SPRED2: variants seen among roughly 807,000 people sequenced by gnomAD.
SPRED2 encodes sprouty-related, EVH1 domain-containing protein 2.
SPRED2 carries 47 observed loss-of-function variants against 43.0 expected under a neutral mutation model. That is an observed-to-expected ratio of 1.09 (90% CI 0.87 to 1.40). SPRED2 has a LOEUF of 1.40. Ranked by LOEUF, SPRED2 falls within the 40% of genes most tolerant of loss-of-function variation. The probability of loss-of-function intolerance (pLI) is 0.00; values close to 1 mark genes in which losing one functional copy is unlikely to be tolerated. For synonymous variants in SPRED2, 225 were observed against 225.7 expected, an observed-to-expected ratio of 1.00 and a Z score of 0.03; for missense variants, 561 against 586.4, an observed-to-expected ratio of 0.96 and a Z score of 0.45.
Position 65,316,844 on chromosome 2 carries a change from C to T in SPRED2, c.478G>A (p.Glu160Lys), listed in dbSNP as rs201899929. Residue 160 changes from glutamate to lysine, a missense_variant, in exon 5 of 6, where the codon GAG (glutamate) becomes AAG (lysine). Coordinates refer to ENST00000356388, the MANE Select transcript of SPRED2 (RefSeq NM_181784.3). ...GAGGAGATTGTCCGAGTAGGTTGCT[C>T]TCTCTTCTGAGAGGAATTAGAAGAA... is the stretch of plus-strand genomic sequence containing the variant. ...DSSSNSSQKR[E>K]QPTRTISSPT... 290 of 1,613,820 alleles carry T rather than the reference C, an allele frequency of 1.8e-4. 2 individuals are homozygous for T. The highest frequency in any genetic ancestry group is 9.5e-5 in the Non-Finnish European group (112 of 1,179,994).
At chr2:65,392,824 TC>T (rs1675668821) in intron 1 of SPRED2, among the ~76,000 whole-genome samples, 1 of 152,142 alleles carries the variant, frequency 6.6e-6, no homozygotes, top group Non-Finnish European at 1.5e-5. Context: ...GTCCTCCCCC[TC>T]CTCCAAGCCC....
chr2:65,374,145 T>C (rs1447684914), intron 1 of SPRED2: 1 of 152,216 alleles, frequency 6.6e-6, no homozygotes, highest in African/African-American at 2.4e-5. Context: ...ACAAAAGAGA[T>C]TGTGCACAGG....
chr2:65,431,777 C>A (rs1676702101), intron 1 of SPRED2, among the ~76,000 whole-genome samples, 185 bp downstream of exon 1: 1 of 152,232 alleles, frequency 6.6e-6, no homozygotes, highest in Non-Finnish European at 1.5e-5. Flanking sequence ...CGCCAGCCCG[C>A]AGCAGTTTTT....
At position 65,344,735 on chromosome 2, in the gene SPRED2, C is replaced by A; in HGVS notation, c.188G>T (p.Arg63Leu). The change falls in exon 2 of 6, where the codon CGA (arginine) becomes CTA (leucine). Residue 63 changes from arginine (R) to leucine (L), a missense_variant. Arg to Leu is a moderately radical substitution (Grantham distance 102). Around this residue, in one of 6 missense-constraint regions of SPRED2, gnomAD observed 305 missense variants for 282.4 expected, o/e 1.08. Coordinates refer to ENST00000356388, the MANE Select transcript of SPRED2 (RefSeq NM_181784.3). ...TGCCATTACCAGTTTGTCTTTCTGT[C>A]GTTCACCATGGATGAGAAAGCCGCT... ...GRSGFLIHGE[R>L]QKDKLVVLEC... 6.2e-7 allele frequency: 1 copy of A among 1,614,122 alleles called. No individual in the cohort carries two copies. The highest frequency in any genetic ancestry group is 8.5e-7 in the Non-Finnish European group (1 of 1,179,962).
chr2:65,313,835 C>G lies in SPRED2; in HGVS notation c.923G>C (p.Arg308Pro), dbSNP rs760514097. 2.5e-6 allele frequency: 4 copies of G among 1,612,558 alleles called. No individual in the cohort carries two copies. Among genetic ancestry groups the G allele is most frequent in the African/African-American group, 1.3e-5 (1 of 75,058 alleles). Residue 308 changes from arginine to proline, a missense_variant, in exon 6 of 6, where the codon CGG becomes CCG. Arg to Pro is a moderately radical substitution (Grantham distance 103). Transcript: ENST00000356388. ...RRRKEDGERSRCVYCRDMFNH... is the reference protein window; with the variant it reads ...RRRKEDGERSPCVYCRDMFNH... ...GAACATGTCCCTGCAGTACACGCAC[C>G]GCGAGCGCTCTCCGTCCTCCTTCCG...
At chr2:65,309,453 C>A (rs1407621479), downstream of SPRED2, among the ~76,000 whole-genome samples, 2 of 145,794 alleles carry the variant, frequency 1.4e-5, no homozygotes, top group African/African-American at 5.1e-5. Flanking sequence ...CTACGGTGAG[C>A]CATGACTGTG....
chr2:65,412,043 G>C (rs578176802), intron 1 of SPRED2, among the ~76,000 whole-genome samples: 1 of 151,640 alleles, frequency 6.6e-6, no homozygotes, highest in Non-Finnish European at 1.5e-5. Flanking sequence ...CAGGAGAATG[G>C]CATGAACCCA....
chr2:65,378,465 C>T (rs570388051), intron 1 of SPRED2, among the ~76,000 whole-genome samples: 52 of 152,160 alleles, frequency 3.4e-4, no homozygotes, highest in Admixed American at 1.3e-3. Flanking sequence ...GTGTGTGGGG[C>T]GGAGGAGACA....
chr2:65,414,859 C>G (rs1328724544), intron 1 of SPRED2, among the ~76,000 whole-genome samples: 1 of 152,154 alleles, frequency 6.6e-6, no homozygotes, highest in East Asian at 1.9e-4. Context: ...AGCTAGAAAT[C>G]TATAAATAAG....
chr2:65,399,303 T>G, intron 1 of SPRED2, among the ~76,000 whole-genome samples: 1 of 150,108 alleles, frequency 6.7e-6, no homozygotes, highest in African/African-American at 2.4e-5. Context: ...ATATACACCA[T>G]GGAATACTAC....
chr2:65,314,622 A>G (rs567806804), intron 5 of SPRED2, among the ~76,000 whole-genome samples: 1 of 152,172 alleles, frequency 6.6e-6, no homozygotes, highest in Non-Finnish European at 1.5e-5. Context: ...AAAGGCCTGC[A>G]TTAGTTTTGC....
Position 65,312,213 on chromosome 2 carries a change from T to C in SPRED2, c.*1288A>G, listed in dbSNP as rs534308541. The stretch of plus-strand genomic sequence containing the variant: ...GAACCAGTTGGCTGACCTAACCACC[T>C]GTGCACCCAAAGTGGCGAGTCTGGG... On this transcript the variant is annotated 3_prime_UTR_variant, in exon 6 of 6. Transcript: ENST00000356388. The C allele has an allele frequency of 1.0e-5, 10 of 985,676 alleles. No homozygotes were observed. The highest frequency in any genetic ancestry group is 1.2e-5 in the Non-Finnish European group (10 of 829,952). 61.1% of individuals were successfully genotyped at this position (985,676 alleles called of 1,614,324 possible).
chr2:65,391,280 AC>A (rs1208413541), intron 1 of SPRED2, among the ~76,000 whole-genome samples: 1 of 151,960 alleles, frequency 6.6e-6, no homozygotes, highest in African/African-American at 2.4e-5. Flanking sequence ...CCAGGGCAGT[AC>A]CAGGCCAACG....
intron 1 of SPRED2, among the ~76,000 whole-genome samples, chr2:65,352,106 A>G (rs1674529464): frequency 6.6e-6 from 1 of 152,246 alleles, no homozygotes; most frequent in Non-Finnish European, 1.5e-5. Flanking sequence ...AGGCCATTAC[A>G]GAAAACAGTG....
chr2:65,412,625 A>C (rs1035079310), intron 1 of SPRED2, among the ~76,000 whole-genome samples: 2 of 152,202 alleles, frequency 1.3e-5, no homozygotes, highest in Non-Finnish European at 2.9e-5. Context: ...GACATTAGTC[A>C]GAGGCTTTTG....
chr2:65,414,164 C>T (rs973511806), intron 1 of SPRED2, among the ~76,000 whole-genome samples: 5 of 152,160 alleles, frequency 3.3e-5, no homozygotes, highest in Admixed American at 3.3e-4. Flanking sequence ...TTTGTTTTTT[C>T]ACAGGCATGC....
chr2:65,422,348 T>C (rs930908539), intron 1 of SPRED2, among the ~76,000 whole-genome samples: 10 of 152,094 alleles, frequency 6.6e-5, no homozygotes, highest in Non-Finnish European at 1.5e-4. Context: ...ACAACTCTAG[T>C]TAGTAATCAG....
chr2:65,331,619 G>A (rs566203097), intron 4 of SPRED2, among the ~76,000 whole-genome samples: 1 of 152,326 alleles, frequency 6.6e-6, no homozygotes, highest in South Asian at 2.1e-4. Context: ...CGATTGTCCT[G>A]GCTTGCCTGG....
chr2:65,391,979 T>G (rs1312425655), intron 1 of SPRED2, among the ~76,000 whole-genome samples: 2 of 152,168 alleles, frequency 1.3e-5, no homozygotes, highest in Admixed American at 6.5e-5. Flanking sequence ...CCTGGTGTTT[T>G]TTTAAAAAGT....
Sources: allele counts gnomAD v4.1 joint callset (sites outside exome capture counted in the v4.1 genomes callset), GRCh38; gene constraint gnomAD v4.1.1; regional missense constraint gnomAD v4.1.1; transcripts MANE v1.5; gene names NCBI Gene and HGNC (gene_info 2026-07-23, HGNC 2026-07-21).